Variants in SLCO1C1 observed in about 807,000 individuals in gnomAD.
The protein encoded by SLCO1C1 is OAT-RP-5.
SLCO1C1 carries 70 observed loss-of-function variants against 76.4 expected under a neutral mutation model. The ratio of observed to expected loss-of-function variants is 0.92; its 90% CI spans 0.76 to 1.12. The LOEUF (loss-of-function observed/expected upper bound fraction) is 1.12. SLCO1C1 is among the 50% of genes most tolerant of loss of function. The probability of loss-of-function intolerance (pLI) is 0.00; values close to 1 mark genes in which losing one functional copy is unlikely to be tolerated. For missense variants in SLCO1C1, 912 were observed against 823.8 expected (o/e 1.11, Z -1.31); for synonymous variants, 306 against 286.1 (o/e 1.07, Z -0.70).
chr12:20,746,103 T>A (rs962506126), intron 13 of SLCO1C1, among the ~76,000 whole-genome samples: 3 of 152,080 alleles, frequency 2.0e-5, no homozygotes, highest in Non-Finnish European at 2.9e-5. Flanking sequence ...GGACTTTTTT[T>A]ATACTAGAAA....
intron 9 of SLCO1C1, among the ~76,000 whole-genome samples, chr12:20,726,722 G>T (rs1948020781): frequency 6.6e-6 from 1 of 151,650 alleles, no homozygotes; most frequent in South Asian, 2.1e-4. Flanking sequence ...TTTTATTTTG[G>T]AATAGGGAGT....
At chr12:20,750,112 T>G (rs1295053936) in intron 13 of SLCO1C1, among the ~76,000 whole-genome samples, 1 of 152,200 alleles carries the variant, frequency 6.6e-6, no homozygotes, top group Non-Finnish European at 1.5e-5. Flanking sequence ...AACAGATGTC[T>G]TGGGAAGTCA....
chr12:20,737,415 T>C, intron 11 of SLCO1C1, 143 bp downstream of exon 11: 1 of 834,344 alleles, frequency 1.2e-6, no homozygotes, highest in Non-Finnish European at 1.7e-6. Context: ...AAAAAGAAAA[T>C]GTTATAACCA....
intron 7 of SLCO1C1, among the ~76,000 whole-genome samples, chr12:20,718,952 T>A (rs1947516565): frequency 6.6e-6 from 1 of 152,170 alleles, no homozygotes; most frequent in South Asian, 2.1e-4. Context: ...CTTCATTGCA[T>A]TTTGCAGATA....
intron 2 of SLCO1C1, chr12:20,700,338 A>G (rs1946462661): frequency 6.6e-6 from 1 of 151,948 alleles, no homozygotes; most frequent in African/African-American, 2.4e-5. Flanking sequence ...CCTTTTTCAT[A>G]TACCTGTTGG....
intron 5 of SLCO1C1, among the ~76,000 whole-genome samples, chr12:20,711,718 A>G (rs945960167): frequency 7.1e-6 from 1 of 140,688 alleles, no homozygotes; most frequent in Non-Finnish European, 1.6e-5. Flanking sequence ...AATCTTATGG[A>G]AAAAAAGCAT....
intron 7 of SLCO1C1, among the ~76,000 whole-genome samples, chr12:20,720,654 A>G (rs1947617932): frequency 6.6e-6 from 1 of 152,246 alleles, no homozygotes; most frequent in Non-Finnish European, 1.5e-5. Context: ...AGACAACTAT[A>G]ATTAGAAATG....
At chr12:20,736,985 T>C (rs758405597) in intron 10 of SLCO1C1, 122 bp from the exon 11 acceptor site, 149 of 785,146 alleles carry the variant, frequency 1.9e-4, no homozygotes, top group Admixed American at 2.6e-4. Context: ...GACAACTGTG[T>C]TTCTAAAAGG....
intron 9 of SLCO1C1, among the ~76,000 whole-genome samples, chr12:20,730,930 T>C (rs913764386): frequency 1.3e-5 from 2 of 152,162 alleles, no homozygotes; most frequent in African/African-American, 4.8e-5. Context: ...CAAGAGAGTT[T>C]GCTGCCCCTC....
chr12:20,733,111 T>C lies in SLCO1C1; in HGVS notation c.1382+7T>C. Reference sequence around the variant, plus strand: ...TAACTGTCTCCTACCAAGGGTATGTTCCCTCATTAAATAGTTTGAGGATAT... The same window carrying C: ...TAACTGTCTCCTACCAAGGGTATGTCCCCTCATTAAATAGTTTGAGGATAT... On this transcript the variant is annotated splice_region_variant and intron_variant, in intron 10 of 14. Transcript: ENST00000266509. 6.5e-7 allele frequency: 1 copy of C among 1,547,008 alleles called. No homozygotes were observed. The highest frequency in any genetic ancestry group is 1.3e-5 in the South Asian group (1 of 78,646).
chr12:20,713,506 G>C (rs1260556198), intron 5 of SLCO1C1, among the ~76,000 whole-genome samples: 2 of 152,228 alleles, frequency 1.3e-5, no homozygotes, highest in East Asian at 3.8e-4. Flanking sequence ...GAAGTTAGCA[G>C]ACAGATACAG....
intron 10 of SLCO1C1, among the ~76,000 whole-genome samples, chr12:20,733,743 A>G (rs1283618604): frequency 6.6e-6 from 1 of 152,074 alleles, no homozygotes; most frequent in Non-Finnish European, 1.5e-5. Context: ...GTGTCTTGCA[A>G]TTGGTCAGGA....
intron 2 of SLCO1C1, chr12:20,700,088 CTT>C (rs35830344): frequency 7.3e-4 from 108 of 148,442 alleles, no homozygotes; most frequent in East Asian, 1.2e-3. Flanking sequence ...AGAAGAGTTG[CTT>C]TTTTTTTTTT....
intron 7 of SLCO1C1, among the ~76,000 whole-genome samples, 179 bp downstream of exon 7, chr12:20,717,409 A>G (rs1947415262): frequency 6.6e-6 from 1 of 151,938 alleles, no homozygotes; most frequent in African/African-American, 2.4e-5. Flanking sequence ...TATGAAAAAT[A>G]GGTGATAATT....
chr12:20,717,086 A>G (rs755843205), intron 6 of SLCO1C1, 46 bp from the exon 7 acceptor site: 1 of 1,509,514 alleles, frequency 6.6e-7, no homozygotes. Flanking sequence ...TTATCAAAGT[A>G]AAGAAATGAC....
chr12:20,706,128 A>G (rs1236828084), intron 4 of SLCO1C1, 47 bp downstream of exon 4: 1 of 1,545,050 alleles, frequency 6.5e-7, no homozygotes, highest in African/African-American at 1.4e-5. Context: ...AAACAACTGC[A>G]TTTCTCCCTT....
intron 9 of SLCO1C1, among the ~76,000 whole-genome samples, chr12:20,723,968 T>C (rs1947805484): frequency 6.6e-6 from 1 of 152,110 alleles, no homozygotes; most frequent in East Asian, 1.9e-4. Flanking sequence ...TTTCTACCTC[T>C]GAAAGAGACC....
rs373729367 is a variant in SLCO1C1 at position 20,710,980 on chromosome 12, T to C, written c.405-406T>C. On this transcript the variant is annotated intron_variant, in intron 4 of 14. Coordinates refer to ENST00000266509, the MANE Select transcript of SLCO1C1 (RefSeq NM_017435.5). The stretch of plus-strand genomic sequence containing the variant: ...CCCAGGTACGTGTAAAGCAGGAGTG[T>C]CCAAATTTTGGGTTCCCTGGGCCAC... 1.2e-3 allele frequency among the ~76,000 whole-genome samples: 189 copies of C among 152,168 alleles called. 1 individual carries two copies. Among genetic ancestry groups the C allele is most frequent in the African/African-American group, 4.0e-3 (168 of 41,504 alleles).
intron 10 of SLCO1C1, among the ~76,000 whole-genome samples, chr12:20,734,956 C>G (rs1361483600): frequency 6.6e-6 from 1 of 152,118 alleles, no homozygotes; most frequent in Non-Finnish European, 1.5e-5. Context: ...TTCAGCATAA[C>G]TATCTTGAAA....
Sources: gnomAD v4.1 joint callset for allele counts (sites outside exome capture counted in the v4.1 genomes callset) on GRCh38, gnomAD v4.1.1 for gene constraint, MANE v1.5 for transcripts, NCBI Gene and HGNC (gene_info 2026-07-23, HGNC 2026-07-21) for gene names.